Variants in CDIN1 observed in about 807,000 individuals in gnomAD.
CDIN1 encodes CDAN1-interacting nuclease 1.
Under a neutral mutation model 45.3 loss-of-function variants are expected in CDIN1, and 33 were observed. The ratio of observed to expected loss-of-function variants is 0.73; its 90% CI spans 0.55 to 0.97. The LOEUF (loss-of-function observed/expected upper bound fraction) is 0.97, where lower values mean the gene tolerates loss of function less well. CDIN1 is among the 50% of genes least tolerant of loss of function. The pLI is 0.00. For missense variants in CDIN1, 303 were observed against 339.4 expected, an observed-to-expected ratio of 0.89 and a Z score of 0.84; for synonymous variants, 118 against 124.4, an observed-to-expected ratio of 0.95 and a Z score of 0.34.
intron 10 of CDIN1, among the ~76,000 whole-genome samples, chr15:36,744,995 A>G (rs2044369640): frequency 6.6e-6 from 1 of 152,214 alleles, no homozygotes. Flanking sequence ...GGAAGCAGAA[A>G]GGGTGAATAA....
At chr15:36,587,690 C>T (rs1181620713) in intron 1 of CDIN1, among the ~76,000 whole-genome samples, 2 of 152,078 alleles carry the variant, frequency 1.3e-5, no homozygotes, top group Non-Finnish European at 2.9e-5. Flanking sequence ...GAGGGAGTCT[C>T]GTATTCCATT....
chr15:36,637,796 T>C (rs2039960743), intron 1 of CDIN1, among the ~76,000 whole-genome samples: 1 of 152,196 alleles, frequency 6.6e-6, no homozygotes, highest in South Asian at 2.1e-4. Flanking sequence ...ACAGACATAT[T>C]GGTGAGTGAA....
intron 10 of CDIN1, among the ~76,000 whole-genome samples, chr15:36,788,952 A>G (rs774403795): frequency 1.3e-5 from 2 of 152,108 alleles, no homozygotes; most frequent in Non-Finnish European, 2.9e-5. Context: ...TAAATAACAG[A>G]CTCGCATTTT....
rs1292122178 is a variant in CDIN1, at chr15:36,619,293, CTT to C, written c.102-24984_102-24983del. On this transcript the variant is annotated intron_variant, in intron 1 of 10. Transcript: ENST00000566621. ...AAAAAACAACAAAACTATTCAAAAACTTCTCTCTCTTCCCGTTAAACTTGAGC... is the reference window on the plus strand; with the variant it reads ...AAAAAACAACAAAACTATTCAAAAACCTCTCTCTTCCCGTTAAACTTGAGC... The C allele has an allele frequency of 5.5e-6, 5 of 908,966 alleles. No individual in the cohort carries two copies. In the African/African-American group the frequency reaches 8.6e-5, roughly 16 times the overall value. The allele number at this position is 908,966 out of a possible 1,614,324, so 56.3% of individuals were successfully genotyped here.
In CDIN1 at chr15:36,654,143, G is replaced by C. The variant is rs1344993333; in HGVS notation, c.258G>C (p.Leu86=). 6 of 1,574,166 alleles carry C rather than the reference G, an allele frequency of 3.8e-6. No homozygotes were observed. Among genetic ancestry groups the C allele is most frequent in the Non-Finnish European group, 5.2e-6 (6 of 1,157,508 alleles). ...VVKNGAAPVL[L]DLANEVDYAP... is the part of the protein sequence containing the mutation. ...AAAATGGAGCTGCCCCAGTGCTCCT[G>C]GACCTGGCCAATGAGGTAATGTTAT... is the stretch of plus-strand genomic sequence containing the variant. Residue 86 remains leucine, a synonymous_variant, in exon 4 of 11, where the codon CTG becomes CTC. Transcript: ENST00000566621.
intron 1 of CDIN1, among the ~76,000 whole-genome samples, chr15:36,601,755 G>A (rs1208604240): frequency 6.6e-6 from 1 of 152,172 alleles, no homozygotes; most frequent in African/African-American, 2.4e-5. Context: ...AACCGTATGA[G>A]TAAAATCCTC....
At position 36,617,428 on chromosome 15, in the gene CDIN1, A is replaced by G. The variant is rs761830095; in HGVS notation, c.102-26850A>G. 1.3e-3 allele frequency: 1,531 copies of G among 1,186,768 alleles called. 2 individuals are homozygous for G. The highest frequency in any genetic ancestry group is 1.8e-3 in the Non-Finnish European group (1,406 of 790,764). The allele number at this position is 1,186,768 out of a possible 1,614,324, so 73.5% of individuals were successfully genotyped here. A position where few individuals can be genotyped will look rare whatever the true frequency, so the allele number is the denominator to read the frequency against. On this transcript the variant is annotated intron_variant, in intron 1 of 10. Coordinates refer to ENST00000566621, the MANE Select transcript of CDIN1 (RefSeq NM_001321759.2). ...TGTTTCTGGAGAAAGCAATTCAGCAATTTCTACAGAAGACCTAAAAGAATG... is the reference window on the plus strand; with the variant it reads ...TGTTTCTGGAGAAAGCAATTCAGCAGTTTCTACAGAAGACCTAAAAGAATG...
At chr15:36,663,915 C>T (rs1566879104) in intron 5 of CDIN1, among the ~76,000 whole-genome samples, 1 of 152,196 alleles carries the variant, frequency 6.6e-6, no homozygotes, top group African/African-American at 2.4e-5. Context: ...TCCAGCAACA[C>T]TGTAAAATGT....
At chr15:36,693,548 TA>T (rs1260510826) in intron 7 of CDIN1, among the ~76,000 whole-genome samples, 1 of 152,202 alleles carries the variant, frequency 6.6e-6, no homozygotes, top group African/African-American at 2.4e-5. Context: ...ATAAAATAGT[TA>T]AAAATCAATT....
intron 10 of CDIN1, among the ~76,000 whole-genome samples, chr15:36,765,053 C>A (rs370273346): frequency 1.2e-5 from 1 of 83,064 alleles, no homozygotes; most frequent in Non-Finnish European, 2.6e-5. Flanking sequence ...TTTTATTTTT[C>A]TTTCTTTCTT....
Position 36,775,951 on chromosome 15 carries a change from A to G in CDIN1, c.717-32373A>G, listed in dbSNP as rs146025470. On this transcript the variant is annotated intron_variant, in intron 10 of 10. Transcript: ENST00000566621. ...TAGATTAGAACTATTCTAGTAATCG[A>G]TTAATATATCATGAAAATCCATCTG... Among the ~76,000 whole-genome samples the G allele has an allele frequency of 2.6e-5, 4 of 152,324 alleles. No individual in the cohort carries two copies. The East Asian group carries it at 7.7e-4, about 29-fold the overall frequency.
At chr15:36,599,103 C>G (rs1157262172) in intron 1 of CDIN1, among the ~76,000 whole-genome samples, 1 of 140,586 alleles carries the variant, frequency 7.1e-6, no homozygotes, top group Non-Finnish European at 1.5e-5. Flanking sequence ...TTGAAGCATA[C>G]TTGCTTTTTT....
At chr15:36,735,882 T>C (rs2044000022) in intron 10 of CDIN1, among the ~76,000 whole-genome samples, 2 of 152,188 alleles carry the variant, frequency 1.3e-5, no homozygotes, top group Non-Finnish European at 1.5e-5. Flanking sequence ...ATCATGCAGT[T>C]CAATCCTTTA....
chr15:36,628,391 A>G (rs11073189), intron 1 of CDIN1, among the ~76,000 whole-genome samples: 41,475 of 152,034 alleles, frequency 0.27, 6,127 homozygotes, highest in African/African-American at 0.38. Flanking sequence ...GTATTGTTGC[A>G]GAGTAGTATT....
chr15:36,585,562 C>T (rs1036716246), intron 1 of CDIN1, among the ~76,000 whole-genome samples: 1 of 152,052 alleles, frequency 6.6e-6, no homozygotes, highest in Non-Finnish European at 1.5e-5. Context: ...ATGGTGTGGC[C>T]TACTTAGTGC....
intron 8 of CDIN1, among the ~76,000 whole-genome samples, chr15:36,703,785 C>T (rs2042763032): frequency 1.3e-5 from 2 of 152,058 alleles, no homozygotes; most frequent in South Asian, 4.1e-4. Context: ...TGCCTCTCTC[C>T]ATTGAGATTG....
chr15:36,615,567 G>A (rs1465166932), intron 1 of CDIN1, among the ~76,000 whole-genome samples: 1 of 152,100 alleles, frequency 6.6e-6, no homozygotes, highest in Admixed American at 6.5e-5. Context: ...GCACAATGAA[G>A]TGTGGTCCAA....
intron 5 of CDIN1, among the ~76,000 whole-genome samples, chr15:36,684,569 G>A (rs2041971769): frequency 6.6e-6 from 1 of 152,132 alleles, no homozygotes; most frequent in Admixed American, 6.5e-5. Flanking sequence ...GCCAGGCTTT[G>A]GTATCAGAAT....
In CDIN1 at chr15:36,658,015, A is replaced by G. The variant is rs1566873904; in HGVS notation, c.346+110A>G. 3.2e-5 allele frequency: 27 copies of G among 841,212 alleles called. No individual in the cohort carries two copies. The South Asian group carries it at 3.2e-4, about 10-fold the overall frequency. 52.1% of individuals were successfully genotyped at this position (841,212 alleles called of 1,614,324 possible). A position where few individuals can be genotyped will look rare whatever the true frequency, so the allele number is the denominator to read the frequency against. On this transcript the variant is annotated intron_variant, in intron 5 of 10. Coordinates refer to ENST00000566621, the MANE Select transcript of CDIN1 (RefSeq NM_001321759.2). ...ATGAGAGCCAGATTCCAAAACAGCT[A>G]TCATGAACAGTTAATGACAATTAAA... is the stretch of plus-strand genomic sequence containing the variant.
Sources: allele counts gnomAD v4.1 joint callset (sites outside exome capture counted in the v4.1 genomes callset), GRCh38; gene constraint gnomAD v4.1.1; transcripts MANE v1.5; gene names NCBI Gene and HGNC (gene_info 2026-07-23, HGNC 2026-07-21).